Variants in CNMD observed in about 807,000 individuals in gnomAD.
The protein encoded by CNMD is leukocyte cell-derived chemotaxin 1.
Under a neutral mutation model 37.5 loss-of-function variants are expected in CNMD, and 30 were observed. The ratio of observed to expected loss-of-function variants is 0.80; its 90% CI spans 0.60 to 1.09. The LOEUF (loss-of-function observed/expected upper bound fraction) is 1.09, where lower values mean the gene tolerates loss of function less well. Among genes scored for constraint, CNMD ranks in the 50% least tolerant of loss-of-function variants. The probability of loss-of-function intolerance (pLI) is 0.00; values close to 1 mark genes in which losing one functional copy is unlikely to be tolerated. For synonymous variants in CNMD, 167 were observed against 148.2 expected, an observed-to-expected ratio of 1.13 and a Z score of -0.92; for missense variants, 398 against 423.9, an observed-to-expected ratio of 0.94 and a Z score of 0.54.
intron 3 of CNMD, among the ~76,000 whole-genome samples, chr13:52,731,304 A>G (rs1289225118): frequency 6.6e-6 from 1 of 152,138 alleles, no homozygotes; most frequent in Non-Finnish European, 1.5e-5. Context: ...AGGGTCCATC[A>G]TTTTCGCATT....
At position 52,718,967 on chromosome 13, in the gene CNMD, C is replaced by T. The variant is rs979872803; in HGVS notation, c.468+5030G>A. Among the ~76,000 whole-genome samples the T allele has an allele frequency of 3.3e-5, 5 of 152,132 alleles. 1 individual carries two copies. Among genetic ancestry groups the T allele is most frequent in the Admixed American group, 3.3e-4 (5 of 15,264 alleles). ...TATTATTATGTGGGAGTCTAAGTCTCTTTGTAGGTCTCTGAGAAACTTGCT... is the reference window on the plus strand; with the variant it reads ...TATTATTATGTGGGAGTCTAAGTCTTTTTGTAGGTCTCTGAGAAACTTGCT... On this transcript the variant is annotated intron_variant, in intron 4 of 6. Transcript: ENST00000377962.
chr13:52,707,451 CAGCCT>C (rs1964202660), intron 6 of CNMD, among the ~76,000 whole-genome samples: 1 of 151,326 alleles, frequency 6.6e-6, no homozygotes, highest in Non-Finnish European at 1.5e-5. Flanking sequence ...TTCAGTGTTT[CAGCCT>C]AAAGCATTTT....
At chr13:52,722,999 T>C (rs2138251576) in intron 4 of CNMD, among the ~76,000 whole-genome samples, 1 of 152,338 alleles carries the variant, frequency 6.6e-6, no homozygotes, top group Non-Finnish European at 1.5e-5. Context: ...CTGTGGCTGC[T>C]TTCCAGCAGA....
Position 52,739,173 on chromosome 13 carries a change from T to C in CNMD, c.73-2A>G. The C allele has an allele frequency of 6.7e-7, 1 of 1,483,868 alleles. No individual in the cohort carries two copies. Among genetic ancestry groups the C allele is most frequent in the East Asian group, 2.7e-5 (1 of 37,124 alleles). The allele number at this position is 1,483,868 out of a possible 1,614,324, so 91.9% of individuals were successfully genotyped here. On this transcript the variant is annotated splice_acceptor_variant, in intron 1 of 6. Coordinates refer to ENST00000377962, the MANE Select transcript of CNMD (RefSeq NM_007015.3). LOFTEE classifies it high-confidence loss of function. This position sits in a 1 kb window ranked among gnomAD's most constrained non-coding sequence, Gnocchi z 5.4. ...CTTCACCGTCAGCGTAGCGTACGCC[T>C]GCGGGCCGGGGCGGGAGAGGGACCG...
intron 2 of CNMD, among the ~76,000 whole-genome samples, chr13:52,736,626 C>T (rs568616151): frequency 6.6e-6 from 1 of 152,320 alleles, no homozygotes; most frequent in East Asian, 1.9e-4. Flanking sequence ...GAGCTGTGGA[C>T]ACCCAAGGCT....
At chr13:52,726,989 G>A (rs1365568756) in intron 3 of CNMD, among the ~76,000 whole-genome samples, 7 of 152,280 alleles carry the variant, frequency 4.6e-5, no homozygotes, top group African/African-American at 1.7e-4. Context: ...ATAGAAGCCA[G>A]GCACAGTGGC....
Position 52,708,591 on chromosome 13 carries a change from G to A in CNMD, c.734C>T (p.Thr245Ile). ...TGAGTCCTCTTGAACACTGGGTCTGGTTTCATTATTCAGTCTTCCAGCGCC... is the reference window on the plus strand; with the variant it reads ...TGAGTCCTCTTGAACACTGGGTCTGATTTCATTATTCAGTCTTCCAGCGCC... ...NPGAGRLNNE[T>I]RPSVQEDSQA... Residue 245 changes from threonine (T) to isoleucine (I), a missense_variant, in exon 6 of 7, where the codon ACC (threonine) becomes ATC (isoleucine). Thr to Ile is a moderately conservative substitution (Grantham distance 89). Coordinates refer to ENST00000377962, the MANE Select transcript of CNMD (RefSeq NM_007015.3). 1.9e-6 allele frequency: 3 copies of A among 1,614,040 alleles called. No homozygotes were observed. The highest frequency in any genetic ancestry group is 2.5e-6 in the Non-Finnish European group (3 of 1,179,946).
intron 4 of CNMD, among the ~76,000 whole-genome samples, chr13:52,718,781 G>A (rs1231810824): frequency 6.6e-6 from 1 of 152,184 alleles, no homozygotes; most frequent in Non-Finnish European, 1.5e-5. Context: ...GTGATGTGGT[G>A]CTGAGAAGAA....
chr13:52,728,603 T>C (rs12429430), intron 3 of CNMD, among the ~76,000 whole-genome samples: 6,641 of 152,224 alleles, frequency 0.044, 197 homozygotes, highest in Admixed American at 0.098. Flanking sequence ...AATTTAGGAC[T>C]CATAGTTTGA....
rs777432299 is a variant in CNMD, at chr13:52,708,643, G to A, written c.682C>T (p.Pro228Ser). 4 of 1,613,372 alleles carry A rather than the reference G, an allele frequency of 2.5e-6. No homozygotes were observed. The South Asian group carries it at 3.3e-5, about 13-fold the overall frequency. The stretch of plus-strand genomic sequence containing the variant: ...GGGTTGCTCCGTGGTCCACTGTGTG[G>A]TCTTTTTGTGGTAGTTGGAACAATT... ...RKIVPTTTKR[P>S]HSGPRSNPGA... The change falls in exon 6 of 7, where the codon CCA (proline) becomes TCA (serine). Residue 228 changes from proline (P) to serine (S), a missense_variant. Physicochemically the swap from Pro to Ser is moderately conservative, Grantham distance 74 (BLOSUM62 -1). Coordinates refer to ENST00000377962, the MANE Select transcript of CNMD (RefSeq NM_007015.3).
intron 4 of CNMD, among the ~76,000 whole-genome samples, 184 bp downstream of exon 4, chr13:52,723,813 C>T (rs915314448): frequency 6.6e-6 from 1 of 152,108 alleles, no homozygotes; most frequent in Admixed American, 6.5e-5. Flanking sequence ...CCTGTAGTCC[C>T]AGCTGCTCAG....
At position 52,724,045 on chromosome 13, in the gene CNMD, A is replaced by G; in HGVS notation, c.420T>C (p.Arg140=). Residue 140 remains arginine (R), a synonymous_variant, in exon 4 of 7, where the codon CGT becomes CGC. Coordinates refer to ENST00000377962, the MANE Select transcript of CNMD (RefSeq NM_007015.3). ...KCYIKAQVKA[R]IPEVGAVTKQ... is the part of the protein sequence containing the mutation. The stretch of plus-strand genomic sequence containing the variant: ...TGGTCACGGCGCCCACCTCAGGAAT[A>G]CGAGCCTTCACTTGCGCTTTAATGT... The G allele has an allele frequency of 6.2e-7, 1 of 1,614,148 alleles. No individual in the cohort carries two copies. Among genetic ancestry groups the G allele is most frequent in the Non-Finnish European group, 8.5e-7 (1 of 1,180,010 alleles).
In CNMD at chr13:52,723,984, T is replaced by C. The variant is rs1316325619; in HGVS notation, c.468+13A>G. 2 of 1,539,522 alleles carry C rather than the reference T, an allele frequency of 1.3e-6. No homozygotes were observed. Among genetic ancestry groups the C allele is most frequent in the South Asian group, 2.2e-5 (2 of 89,622 alleles). On this transcript the variant is annotated intron_variant, in intron 4 of 6. Coordinates refer to ENST00000377962, the MANE Select transcript of CNMD (RefSeq NM_007015.3). ...CCAAGCAGTCTCACTGTCTCAGGCA[T>C]GTTGGTACCCACCAGTTTGGAGGAG...
In CNMD at chr13:52,731,333, C is replaced by T. The variant is rs908430504; in HGVS notation, c.354+1886G>A. ...TCGCATTCCGCCTGCTTAGCATCAT[C>T]CCTTGCACACAGCATGTCTCAATAA... On this transcript the variant is annotated intron_variant, in intron 3 of 6. Coordinates refer to ENST00000377962, the MANE Select transcript of CNMD (RefSeq NM_007015.3). 3.3e-5 allele frequency among the ~76,000 whole-genome samples: 5 copies of T among 152,288 alleles called. 1 individual carries two copies. The highest frequency in any genetic ancestry group is 6.8e-3 in the Middle Eastern group (2 of 294).
intron 4 of CNMD, among the ~76,000 whole-genome samples, chr13:52,719,971 T>C (rs1964453832): frequency 6.6e-6 from 1 of 152,174 alleles, no homozygotes; most frequent in Admixed American, 6.5e-5. Context: ...ACCAGTCAAA[T>C]GTAGGTTTGG....
chr13:52,733,521 A>C, intron 2 of CNMD, 162 bp from the exon 3 acceptor site: 1 of 733,538 alleles, frequency 1.4e-6, no homozygotes, highest in Non-Finnish European at 2.4e-6. Flanking sequence ...TCATACAACA[A>C]TCAGTTAATG....
In CNMD at chr13:52,739,073, C is replaced by A; in HGVS notation, c.171G>T (p.Gly57=). ...LISGAVLLLF[G]AIGAFYFWKG... is the part of the protein sequence containing the mutation. ...TCCAGAAGTAGAAGGCCCCGATGGC[C>A]CCAAAGAGCAGCAGCACAGCTCCCG... The change falls in exon 2 of 7, where the codon GGG becomes GGT. Residue 57 remains glycine (G), a synonymous_variant. Transcript: ENST00000377962. This position sits in a 1 kb window ranked among gnomAD's most constrained non-coding sequence, Gnocchi z 5.4. The A allele has an allele frequency of 6.3e-7, 1 of 1,582,324 alleles. No individual in the cohort carries two copies. Among genetic ancestry groups the A allele is most frequent in the Non-Finnish European group, 8.6e-7 (1 of 1,167,300 alleles).
intron 6 of CNMD, among the ~76,000 whole-genome samples, chr13:52,707,566 C>G (rs1055282339): frequency 2.0e-5 from 3 of 152,172 alleles, no homozygotes; most frequent in African/African-American, 7.2e-5. Flanking sequence ...GCCTAAATGA[C>G]TGCCTGTTGA....
chr13:52,737,521 T>A (rs1302100088), intron 2 of CNMD, among the ~76,000 whole-genome samples: 1 of 152,236 alleles, frequency 6.6e-6, no homozygotes, highest in Non-Finnish European at 1.5e-5. Context: ...GATTGTTTAA[T>A]CTCTCTTTTT....
Sources: allele counts gnomAD v4.1 joint callset (sites outside exome capture counted in the v4.1 genomes callset), GRCh38; gene constraint gnomAD v4.1.1; non-coding constraint Gnocchi (gnomAD v3.1); transcripts MANE v1.5; gene names NCBI Gene and HGNC (gene_info 2026-07-23, HGNC 2026-07-21).